Variants in DOCK8 observed in about 807,000 individuals in gnomAD.
DOCK8 encodes the protein dedicator of cytokinesis 8.
Under a neutral mutation model 245.6 loss-of-function variants are expected in DOCK8, and 141 were observed. That is an observed-to-expected ratio of 0.57 (90% CI 0.50 to 0.66). The LOEUF (loss-of-function observed/expected upper bound fraction) is 0.66, where lower values mean the gene tolerates loss of function less well. Among genes scored for constraint, DOCK8 ranks in the 30% least tolerant of loss-of-function variants. The pLI is 0.00. For synonymous variants in DOCK8, 1,168 were observed against 970.2 expected (o/e 1.20, Z -3.79); for missense variants, 2,965 against 2,603.4 (o/e 1.14, Z -3.02).
At chr9:386,867 T>C (rs1244920780) in intron 23 of DOCK8, among the ~76,000 whole-genome samples, 1 of 152,236 alleles carries the variant, frequency 6.6e-6, no homozygotes, top group African/African-American at 2.4e-5. Flanking sequence ...ATGGCAATAA[T>C]TAGGTATCAT....
intron 37 of DOCK8, 73 bp downstream of exon 37, chr9:432,397 C>T (rs1401093246): frequency 9.1e-5 from 122 of 1,346,120 alleles, no homozygotes; most frequent in Non-Finnish European, 1.9e-5. Context: ...TATGTATGTA[C>T]ATATATACAC....
In DOCK8 at chr9:441,367, ACACT is replaced by A; in HGVS notation, c.5313_5316del (p.His1772AlafsTer57). The A allele has an allele frequency of 6.2e-7, 1 of 1,614,220 alleles. No homozygotes were observed. Among genetic ancestry groups the A allele is most frequent in the Non-Finnish European group, 8.5e-7 (1 of 1,180,048 alleles). ...AGCGCATCGAGAATTCCGGAAGCTG[ACACT>A]CACTCACAGCAAGCTGCAGAGAGCC... On this transcript the variant is annotated frameshift_variant, in exon 41 of 48. Coordinates refer to ENST00000432829, the MANE Select transcript of DOCK8 (RefSeq NM_203447.4). LOFTEE classifies it high-confidence loss of function.
intron 28 of DOCK8, among the ~76,000 whole-genome samples, chr9:412,300 G>A (rs2055768884): frequency 6.6e-6 from 1 of 151,674 alleles, no homozygotes; most frequent in African/African-American, 2.4e-5. Flanking sequence ...AGCTACTTGG[G>A]AGGTTGAGGC....
chr9:223,060 C>G (rs568979180), intron 1 of DOCK8, among the ~76,000 whole-genome samples: 19 of 152,046 alleles, frequency 1.2e-4, no homozygotes, highest in African/African-American at 4.6e-4. Flanking sequence ...TCCTTTTCCT[C>G]TAGAATTGGT....
chr9:351,499 G>A (rs1476202908), intron 14 of DOCK8, among the ~76,000 whole-genome samples: 1 of 152,214 alleles, frequency 6.6e-6, no homozygotes, highest in Non-Finnish European at 1.5e-5. Context: ...TGGCAAATCA[G>A]GTACTAGTTT....
chr9:325,885 T>G, intron 8 of DOCK8, 148 bp downstream of exon 8: 1 of 767,202 alleles, frequency 1.3e-6, no homozygotes, highest in Non-Finnish European at 2.2e-6. Flanking sequence ...GCCTTTGCAA[T>G]TTTTCAAGCA....
At chr9:276,645 C>T (rs1011816481) in intron 2 of DOCK8, among the ~76,000 whole-genome samples, 7 of 152,148 alleles carry the variant, frequency 4.6e-5, no homozygotes, top group Non-Finnish European at 8.8e-5. Flanking sequence ...TAGTAAATAA[C>T]CCTGTGTGTA....
rs1467541441 is a variant in DOCK8, at chr9:239,215, G to A, written c.53+24186G>A. Among the ~76,000 whole-genome samples the A allele has an allele frequency of 2.6e-5, 4 of 152,096 alleles. No individual in the cohort carries two copies. In the South Asian group the frequency reaches 6.2e-4, roughly 24 times the overall value. On this transcript the variant is annotated intron_variant, in intron 1 of 47. Transcript: ENST00000432829. ...GAAACACATACACACACGCATGGCC[G>A]CACACACACGTGCATGCACACACTG...
intron 4 of DOCK8, among the ~76,000 whole-genome samples, chr9:301,606 A>G (rs189152752): frequency 1.1e-4 from 16 of 152,348 alleles, no homozygotes; most frequent in African/African-American, 3.6e-4. Flanking sequence ...AACACTGCAG[A>G]CCCTGCTAAA....
chr9:340,729 C>G (rs942475023), intron 14 of DOCK8: 1 of 190,148 alleles, frequency 5.3e-6, no homozygotes, highest in African/African-American at 2.4e-5. Context: ...TTCCTACTTC[C>G]TAAGTTTCAG....
intron 4 of DOCK8, among the ~76,000 whole-genome samples, chr9:295,373 G>C (rs913432587): frequency 6.6e-5 from 10 of 152,006 alleles, no homozygotes; most frequent in African/African-American, 2.4e-4. Context: ...ATCTGCCTTG[G>C]ACCATTACAT....
chr9:406,981 G>T lies in DOCK8; in HGVS notation c.3442G>T (p.Asp1148Tyr), dbSNP rs767147947. ...FQDQKIASMF[D>Y]LTSEYRQQHF... ...GGACCAGAAGATCGCCAGCATGTTC[G>T]ATCTGACTTCCGAGTACCGCCAGCA... Residue 1148 changes from aspartate (D) to tyrosine (Y), a missense_variant, in exon 28 of 48, where the codon GAT (aspartate) becomes TAT (tyrosine). By Grantham distance (160) the Asp-to-Tyr change is radical (BLOSUM62 -3). This residue lies in a region of DOCK8 where 2,825 missense variants were observed against 2,453.5 expected (regional missense o/e 1.15). Transcript: ENST00000432829. The T allele has an allele frequency of 6.2e-7, 1 of 1,614,048 alleles. No individual in the cohort carries two copies. The highest frequency in any genetic ancestry group is 1.1e-5 in the South Asian group (1 of 91,064).
intron 10 of DOCK8, among the ~76,000 whole-genome samples, chr9:333,339 C>G (rs915602707): frequency 6.6e-6 from 1 of 152,196 alleles, no homozygotes. Context: ...TGGTGGCTCA[C>G]ACCTGTAATC....
chr9:330,329 G>A (rs1036432784), intron 9 of DOCK8, among the ~76,000 whole-genome samples: 7 of 152,026 alleles, frequency 4.6e-5, no homozygotes, highest in Admixed American at 1.3e-4. Flanking sequence ...CATAAGTTGC[G>A]ATGGGCCTAT....
chr9:215,317 A>C (rs769259684), intron 1 of DOCK8: 1 of 1,604,070 alleles, frequency 6.2e-7, no homozygotes, highest in South Asian at 1.1e-5. Context: ...TCCGCCCTCC[A>C]GGTTCTTACA....
At chr9:244,230 C>T (rs1563835656) in intron 1 of DOCK8, among the ~76,000 whole-genome samples, 1 of 151,242 alleles carries the variant, frequency 6.6e-6, no homozygotes. Context: ...CAAAGTTTTC[C>T]TCCATGTTCC....
At chr9:376,833 C>G in intron 19 of DOCK8, 144 bp from the exon 20 acceptor site, 2 of 760,504 alleles carry the variant, frequency 2.6e-6, no homozygotes, top group Non-Finnish European at 2.3e-6. Context: ...TAGCCTCGGT[C>G]TGAAACATCA....
intron 14 of DOCK8, among the ~76,000 whole-genome samples, chr9:358,319 C>T (rs767088577): frequency 6.6e-6 from 1 of 152,172 alleles, no homozygotes; most frequent in Non-Finnish European, 1.5e-5. Flanking sequence ...GTCTCGAACT[C>T]CTGGCCTCAA....
intron 1 of DOCK8, among the ~76,000 whole-genome samples, chr9:254,484 A>G (rs2047723510): frequency 1.3e-5 from 2 of 152,086 alleles, no homozygotes; most frequent in Admixed American, 1.3e-4. Flanking sequence ...TCCTGTGAAA[A>G]TCCTTCTCTT....
Sources: allele counts gnomAD v4.1 joint callset (sites outside exome capture counted in the v4.1 genomes callset), GRCh38; gene constraint gnomAD v4.1.1; regional missense constraint gnomAD v4.1.1; transcripts MANE v1.5; gene names NCBI Gene and HGNC (gene_info 2026-07-23, HGNC 2026-07-21).